Variants in PTPRD observed in about 807,000 individuals in gnomAD.
PTPRD encodes the protein receptor-type tyrosine-protein phosphatase delta.
A neutral mutation model predicts 214.5 loss-of-function variants in PTPRD; 34 were observed. The ratio of observed to expected loss-of-function variants is 0.16; its 90% CI spans 0.12 to 0.21. The LOEUF (loss-of-function observed/expected upper bound fraction) is 0.21, where lower values mean the gene tolerates loss of function less well. PTPRD is among the 10% of genes least tolerant of loss of function. The probability of loss-of-function intolerance (pLI) is 1.00; values close to 1 mark genes in which losing one functional copy is unlikely to be tolerated. For missense variants in PTPRD, 2,545 were observed against 2,398.7 expected, an observed-to-expected ratio of 1.06 and a Z score of -1.27; for synonymous variants, 1,128 against 845.7, an observed-to-expected ratio of 1.33 and a Z score of -5.79.
Position 8,534,345 on chromosome 9 carries a change from T to A in PTPRD, c.353-5566A>T, listed in dbSNP as rs376393722. Among the ~76,000 whole-genome samples, 8 of 151,846 alleles carry A rather than the reference T, an allele frequency of 5.3e-5. No homozygotes were observed. The East Asian group carries it at 7.7e-4, about 15-fold the overall frequency. ...TCTATCTATAGAATAACAATGGAAT[T>A]CTTGGTGTTGAAACTAATGGCTAAA... On this transcript the variant is annotated intron_variant, in intron 14 of 45. Coordinates refer to ENST00000381196, the MANE Select transcript of PTPRD (RefSeq NM_002839.4).
chr9:9,418,329 C>G (rs1023122957), intron 8 of PTPRD, among the ~76,000 whole-genome samples: 3 of 151,992 alleles, frequency 2.0e-5, no homozygotes, highest in African/African-American at 7.2e-5. Flanking sequence ...ATGAATCTAG[C>G]CCAGAGTTAG....
At chr9:8,354,956 T>C (rs1329150373) in intron 39 of PTPRD, among the ~76,000 whole-genome samples, 2 of 152,174 alleles carry the variant, frequency 1.3e-5, no homozygotes, top group Admixed American at 1.3e-4. Context: ...ATGAATTAAG[T>C]GGTTTTTAAA....
At chr9:10,040,125 C>T (rs1479122391) in intron 3 of PTPRD, among the ~76,000 whole-genome samples, 1 of 151,930 alleles carries the variant, frequency 6.6e-6, no homozygotes, top group African/African-American at 2.4e-5. Context: ...AGGTAATACT[C>T]TATCTAGAAA....
rs2134934979 is a variant in PTPRD at position 8,471,004 on chromosome 9, T to C, written c.3495A>G (p.Glu1165=). 6.2e-7 allele frequency: 1 copy of C among 1,612,646 alleles called. No homozygotes were observed. The highest frequency in any genetic ancestry group is 8.5e-7 in the Non-Finnish European group (1 of 1,178,804). Residue 1165 remains glutamate, a synonymous_variant, in exon 31 of 46, where the codon GAA becomes GAG. Coordinates refer to ENST00000381196, the MANE Select transcript of PTPRD (RefSeq NM_002839.4). ...IKPWESPDEM[E]LDELLKEISR... ...ACAATGACACAGTTACCTCATCTAA[T>C]TCCATTTCATCTGGACTCTCCCATG...
At chr9:9,933,864 T>C (rs1349513579) in intron 5 of PTPRD, among the ~76,000 whole-genome samples, 1 of 148,610 alleles carries the variant, frequency 6.7e-6, no homozygotes, top group African/African-American at 2.6e-5. Context: ...AGAACAGAAA[T>C]TATAACAAAC....
chr9:8,558,859 C>T (rs2085029191), intron 14 of PTPRD, among the ~76,000 whole-genome samples: 1 of 152,060 alleles, frequency 6.6e-6, no homozygotes, highest in South Asian at 2.1e-4. Context: ...CAAAATGGTG[C>T]TTGGCATTCT....
At chr9:8,358,096 T>C (rs1445042155) in intron 39 of PTPRD, among the ~76,000 whole-genome samples, 3 of 152,228 alleles carry the variant, frequency 2.0e-5, no homozygotes, top group African/African-American at 7.2e-5. Context: ...TCTACTCTAA[T>C]GCTCACTTTA....
intron 5 of PTPRD, among the ~76,000 whole-genome samples, chr9:9,931,554 C>T (rs10978102): frequency 0.35 from 53,336 of 151,946 alleles, 10,092 homozygotes; most frequent in East Asian, 0.72. Flanking sequence ...GATTATATCC[C>T]GCACGTGGCT....
intron 7 of PTPRD, among the ~76,000 whole-genome samples, chr9:9,612,219 TA>T (rs548108581): frequency 3.3e-5 from 5 of 151,858 alleles, no homozygotes; most frequent in Admixed American, 6.6e-5. Flanking sequence ...GTAGGGGGAA[TA>T]AAAAAAACAG....
chr9:9,228,643 T>A (rs1185523446), intron 9 of PTPRD, among the ~76,000 whole-genome samples: 1 of 152,120 alleles, frequency 6.6e-6, no homozygotes, highest in Non-Finnish European at 1.5e-5. Flanking sequence ...ACTTACTTGA[T>A]CACTGTTTCT....
chr9:9,774,440 G>A (rs1233188228), intron 5 of PTPRD, among the ~76,000 whole-genome samples: 1 of 152,166 alleles, frequency 6.6e-6, no homozygotes, highest in Non-Finnish European at 1.5e-5. Flanking sequence ...AGGGTCCAAG[G>A]GTTCAAGCAC....
intron 34 of PTPRD, among the ~76,000 whole-genome samples, chr9:8,443,160 A>T (rs969956434): frequency 7.9e-5 from 12 of 152,240 alleles, no homozygotes; most frequent in African/African-American, 2.4e-4. Flanking sequence ...ATTTTAAAAA[A>T]TTTTTGTAAA....
intron 9 of PTPRD, among the ~76,000 whole-genome samples, chr9:9,256,663 A>C (rs2099977838): frequency 6.6e-6 from 1 of 151,982 alleles, no homozygotes; most frequent in African/African-American, 2.4e-5. Context: ...CAGTACTTAT[A>C]ATATAGTTTC....
chr9:10,092,319 G>C (rs435384), intron 3 of PTPRD, among the ~76,000 whole-genome samples: 92,805 of 151,084 alleles, frequency 0.61, 28,900 homozygotes, highest in East Asian at 0.71. Flanking sequence ...ATACATATAA[G>C]CACTGAATTC....
chr9:10,057,841 C>CAAAAAAAAACAA (rs2097686127), intron 3 of PTPRD, among the ~76,000 whole-genome samples: 2 of 70,232 alleles, frequency 2.8e-5, no homozygotes, highest in East Asian at 9.9e-4. Flanking sequence ...GACTCCGTCT[C>CAAAAAAAAACAA]AAAAAAAAAC....
intron 2 of PTPRD, among the ~76,000 whole-genome samples, chr9:10,383,934 C>T (rs533210518): frequency 2.0e-5 from 3 of 151,708 alleles, no homozygotes; most frequent in East Asian, 3.9e-4. Flanking sequence ...TAGGTTTAAT[C>T]TACCAAGGAG....
chr9:9,404,956 A>G (rs1018207314), intron 8 of PTPRD, among the ~76,000 whole-genome samples: 6 of 152,090 alleles, frequency 3.9e-5, no homozygotes, highest in Non-Finnish European at 7.4e-5. Context: ...AACAAAATCA[A>G]CTGGTTTGTG....
rs1393279602 is a variant in PTPRD, at chr9:8,619,367, G to T, written c.352+13950C>A. Among the ~76,000 whole-genome samples the T allele has an allele frequency of 9.3e-5, 14 of 150,044 alleles. No homozygotes were observed. In the Admixed American group the frequency reaches 9.4e-4, roughly 10 times the overall value. The stretch of plus-strand genomic sequence containing the variant: ...CAACCCCCACCCCTCAACCTGCTCA[G>T]CCTCTGGTAACCAACATTCTACTCT... On this transcript the variant is annotated intron_variant, in intron 14 of 45. Transcript: ENST00000381196.
intron 10 of PTPRD, among the ~76,000 whole-genome samples, chr9:9,022,505 A>G (rs67847269): frequency 0.09 from 13,723 of 152,216 alleles, 703 homozygotes; most frequent in Middle Eastern, 0.17. Context: ...GCACAGTAAC[A>G]TTCTGTACAG....
Sources: gnomAD v4.1 joint callset for allele counts (sites outside exome capture counted in the v4.1 genomes callset) on GRCh38, gnomAD v4.1.1 for gene constraint, MANE v1.5 for transcripts, NCBI Gene and HGNC (gene_info 2026-07-23, HGNC 2026-07-21) for gene names.